Variants in NRG3 observed in about 807,000 individuals in gnomAD.
The protein encoded by NRG3 is neuregulin 3, also known as pro-neuregulin-3, membrane-bound isoform.
In NRG3, 31 loss-of-function variants were observed where a neutral mutation model predicts 66.9. That is an observed-to-expected ratio of 0.46 (90% CI 0.35 to 0.63). The LOEUF (loss-of-function observed/expected upper bound fraction) is 0.63. Ranked by LOEUF, NRG3 falls within the 20% of genes least tolerant of loss-of-function variation. The pLI, the probability that NRG3 is intolerant of heterozygous loss-of-function variation, is 0.00. For missense variants in NRG3, 910 were observed against 878.9 expected (o/e 1.04, Z -0.45); for synonymous variants, 393 against 359.4 (o/e 1.09, Z -1.06).
chr10:82,352,710 G>A (rs886260697), intron 1 of NRG3, among the ~76,000 whole-genome samples: 3 of 152,016 alleles, frequency 2.0e-5, no homozygotes, highest in Non-Finnish European at 2.9e-5. Context: ...AGGCCTGAGG[G>A]GACATGGGAA....
At chr10:82,284,903 T>C (rs944241758) in intron 1 of NRG3, among the ~76,000 whole-genome samples, 3 of 152,308 alleles carry the variant, frequency 2.0e-5, no homozygotes, top group South Asian at 2.1e-4. Flanking sequence ...TCTTTCCTAA[T>C]TGGCGCTTGC....
intron 1 of NRG3, among the ~76,000 whole-genome samples, chr10:81,911,119 A>C (rs941350869): frequency 1.3e-5 from 2 of 152,074 alleles, no homozygotes; most frequent in African/African-American, 4.8e-5. Context: ...CTTTCTCATC[A>C]GTTTGGTTCA....
intron 6 of NRG3, among the ~76,000 whole-genome samples, chr10:82,962,710 G>A (rs1004695250): frequency 3.3e-5 from 5 of 151,980 alleles, no homozygotes; most frequent in Non-Finnish European, 7.4e-5. Context: ...GTGGTGGTGG[G>A]TGCCTGTAAT....
At chr10:82,934,961 C>T (rs766395324) in intron 4 of NRG3, among the ~76,000 whole-genome samples, 2 of 152,008 alleles carry the variant, frequency 1.3e-5, no homozygotes, top group African/African-American at 4.8e-5. Context: ...ATCCTAGAGG[C>T]CTATTTATAT....
chr10:82,275,850 A>G (rs1023715678), intron 1 of NRG3, among the ~76,000 whole-genome samples: 1 of 152,070 alleles, frequency 6.6e-6, no homozygotes, highest in Non-Finnish European at 1.5e-5. Flanking sequence ...CTTTAAGTTT[A>G]GGAGGAAAAC....
At chr10:82,656,963 G>A (rs915539605) in intron 2 of NRG3, among the ~76,000 whole-genome samples, 6 of 151,910 alleles carry the variant, frequency 3.9e-5, no homozygotes, top group African/African-American at 7.3e-5. Context: ...CCCTCATCAC[G>A]CTGGCCTCCA....
intron 3 of NRG3, chr10:82,843,121 A>G (rs1464537656): frequency 5.8e-6 from 2 of 344,828 alleles, no homozygotes; most frequent in Admixed American, 3.1e-5. Context: ...AAGATGGGGG[A>G]CTACTGTATT....
At chr10:82,361,158 T>C (rs1326296115) in intron 2 of NRG3, among the ~76,000 whole-genome samples, 1 of 152,222 alleles carries the variant, frequency 6.6e-6, no homozygotes, top group Non-Finnish European at 1.5e-5. Context: ...TGCATGTACA[T>C]CTCTAATTTT....
At chr10:82,663,538 A>G (rs890837023) in intron 2 of NRG3, among the ~76,000 whole-genome samples, 3 of 152,204 alleles carry the variant, frequency 2.0e-5, no homozygotes, top group African/African-American at 4.8e-5. Context: ...AGGATCACCA[A>G]GCCTTAGCAT....
chr10:82,847,038 G>A (rs1043263631), intron 3 of NRG3, among the ~76,000 whole-genome samples: 3 of 152,188 alleles, frequency 2.0e-5, no homozygotes, highest in Admixed American at 6.5e-5. Context: ...AGACTCATCA[G>A]AGATCCAGTT....
At chr10:82,975,975 A>G (rs1852210950) in intron 7 of NRG3, among the ~76,000 whole-genome samples, 1 of 152,222 alleles carries the variant, frequency 6.6e-6, no homozygotes, top group South Asian at 2.1e-4. Flanking sequence ...AAAAAATCCC[A>G]TCTGTTTAGA....
chr10:82,601,213 A>AT (rs1245427179), intron 2 of NRG3, among the ~76,000 whole-genome samples: 2 of 152,156 alleles, frequency 1.3e-5, no homozygotes, highest in Non-Finnish European at 2.9e-5. Context: ...ACCTAGGTTG[A>AT]TTGTATGACT....
intron 1 of NRG3, among the ~76,000 whole-genome samples, chr10:82,164,264 T>C (rs1266195295): frequency 2.0e-5 from 3 of 152,132 alleles, no homozygotes; most frequent in African/African-American, 4.8e-5. Context: ...ATGGAGTAGA[T>C]GTCATATTTT....
chr10:81,889,357 A>G (rs1291651898), intron 1 of NRG3: 2 of 152,192 alleles, frequency 1.3e-5, no homozygotes, highest in African/African-American at 2.4e-5. Context: ...TACTCATCAC[A>G]TGGTGAGGAA....
At chr10:82,935,793 T>G (rs1848009930) in intron 4 of NRG3, among the ~76,000 whole-genome samples, 1 of 152,144 alleles carries the variant, frequency 6.6e-6, no homozygotes, top group Admixed American at 6.5e-5. Context: ...CTGGATAATT[T>G]TTTTTTATTT....
At chr10:82,903,347 A>ATC (rs1844419609) in intron 4 of NRG3, among the ~76,000 whole-genome samples, 3 of 152,036 alleles carry the variant, frequency 2.0e-5, no homozygotes, top group East Asian at 1.9e-4. Flanking sequence ...GTAAAAAGTG[A>ATC]TCTCTCTCTC....
At chr10:82,239,830 A>C (rs1489000968) in intron 1 of NRG3, among the ~76,000 whole-genome samples, 1 of 152,120 alleles carries the variant, frequency 6.6e-6, no homozygotes, top group African/African-American at 2.4e-5. Flanking sequence ...TTGATAATAT[A>C]GTGTGAGCCA....
chr10:82,616,349 T>C (rs1233985860), intron 2 of NRG3, among the ~76,000 whole-genome samples: 1 of 152,194 alleles, frequency 6.6e-6, no homozygotes, highest in African/African-American at 2.4e-5. Flanking sequence ...CTTTCCACAT[T>C]ATTCGCTTGT....
At chr10:82,796,700 A>G (rs968085887) in intron 3 of NRG3, among the ~76,000 whole-genome samples, 2 of 152,164 alleles carry the variant, frequency 1.3e-5, no homozygotes, top group African/African-American at 4.8e-5. Context: ...GGAGCCCTAG[A>G]GCCATAATGC....
Sources: allele counts gnomAD v4.1 joint callset (sites outside exome capture counted in the v4.1 genomes callset), GRCh38; gene constraint gnomAD v4.1.1; transcripts MANE v1.5; gene names NCBI Gene and HGNC (gene_info 2026-07-23, HGNC 2026-07-21).